Variants in TECTA observed in about 807,000 individuals in gnomAD.
TECTA encodes the protein alpha-tectorin.
A neutral mutation model predicts 216.8 loss-of-function variants in TECTA; 128 were observed. The observed-to-expected ratio is 0.59, with a 90% confidence interval of 0.51 to 0.68. The LOEUF is 0.68. Ranked by LOEUF, TECTA falls within the 30% of genes least tolerant of loss-of-function variation. TECTA has a pLI of 0.00. For synonymous variants in TECTA, 1,089 were observed against 1,117.1 expected, an observed-to-expected ratio of 0.97 and a Z score of 0.50; for missense variants, 2,551 against 2,786.2, an observed-to-expected ratio of 0.92 and a Z score of 1.90.
chr11:121,158,451 A>G (rs896665725), intron 14 of TECTA, among the ~76,000 whole-genome samples: 1 of 152,248 alleles, frequency 6.6e-6, no homozygotes, highest in Non-Finnish European at 1.5e-5. Context: ...GGAGACTTGC[A>G]GGGTCTCAGA....
At chr11:121,160,523 G>A in intron 15 of TECTA, 102 bp downstream of exon 15, 1 of 1,499,918 alleles carries the variant, frequency 6.7e-7, no homozygotes, top group Middle Eastern at 2.4e-4. Context: ...CACTGCCCCT[G>A]CTCTCCTACA....
rs562735582 is a variant in TECTA, at chr11:121,137,715, A to G, written c.3236A>G (p.Asp1079Gly). The G allele has an allele frequency of 8.7e-5, 140 of 1,614,144 alleles. No individual in the cohort carries two copies. The South Asian group carries it at 1.0e-3, about 12-fold the overall frequency. The stretch of plus-strand genomic sequence containing the variant: ...CACTGCGAGACCATTCCCTGCAAGG[A>G]TGATGAGTACTGCATGGAGGAAGGT... ...RVHCETIPCKDDEYCMEEGGL... is the reference protein window; with the variant it reads ...RVHCETIPCKGDEYCMEEGGL... The change falls in exon 11 of 24, where the codon GAT (aspartate) becomes GGT (glycine). Residue 1079 changes from aspartate to glycine, a missense_variant. Around this residue, in one of 3 missense-constraint regions of TECTA, gnomAD observed 2,375 missense variants for 2,563.9 expected, o/e 0.93. Transcript: ENST00000392793.
chr11:121,103,130 G>A (rs1565514952), intron 2 of TECTA, among the ~76,000 whole-genome samples: 1 of 152,162 alleles, frequency 6.6e-6, no homozygotes, highest in African/African-American at 2.4e-5. Context: ...CAAAAACTAG[G>A]AAATTACAAT....
intron 19 of TECTA, 78 bp from the exon 20 acceptor site, chr11:121,168,597 ATT>A: frequency 6.2e-7 from 1 of 1,611,146 alleles, no homozygotes; most frequent in Non-Finnish European, 8.5e-7. Flanking sequence ...TTCCCTCTGC[ATT>A]CTCAGCCTGA....
intron 20 of TECTA, among the ~76,000 whole-genome samples, chr11:121,178,482 T>C (rs887784975): frequency 2.6e-5 from 4 of 151,826 alleles, no homozygotes; most frequent in African/African-American, 7.3e-5. Context: ...TTCTTGAGGA[T>C]TTTTGCATCT....
intron 20 of TECTA, among the ~76,000 whole-genome samples, chr11:121,179,373 T>G (rs1280996518): frequency 6.6e-6 from 1 of 152,194 alleles, no homozygotes; most frequent in African/African-American, 2.4e-5. Flanking sequence ...ATTTCTAGTT[T>G]TATTCCATTG....
At chr11:121,126,614 A>G (rs1380839146) in intron 8 of TECTA, among the ~76,000 whole-genome samples, 1 of 152,220 alleles carries the variant, frequency 6.6e-6, no homozygotes, top group African/African-American at 2.4e-5. Context: ...GTAAATAGAA[A>G]ATTGTAATCC....
chr11:121,140,991 T>A (rs1194312105), intron 11 of TECTA: 1 of 152,250 alleles, frequency 6.6e-6, no homozygotes, highest in South Asian at 2.1e-4. Flanking sequence ...TTGGAGACAA[T>A]GAGCATCAAG....
intron 10 of TECTA, among the ~76,000 whole-genome samples, chr11:121,134,345 A>ACACACACACACACACACACACACG (rs954311155): frequency 6.6e-5 from 10 of 151,798 alleles, no homozygotes; most frequent in African/African-American, 2.4e-4. Context: ...ACACACACAC[A>ACACACACACACACACACACACACG]CACGCACACA....
At chr11:121,164,506 G>A (rs1193323478) in intron 16 of TECTA, among the ~76,000 whole-genome samples, 5 of 152,140 alleles carry the variant, frequency 3.3e-5, no homozygotes, top group East Asian at 3.8e-4. Flanking sequence ...TTCTCAGACC[G>A]AGGCGTTGAC....
Position 121,118,457 on chromosome 11 carries a change from C to T in TECTA, c.942C>T (p.Cys314=), listed in dbSNP as rs750208622. 2 of 1,614,114 alleles carry T rather than the reference C, an allele frequency of 1.2e-6. No homozygotes were observed. The highest frequency in any genetic ancestry group is 1.3e-5 in the African/African-American group (1 of 74,940). ...AACCCAAAGGCAAATTCTTCTACTGCAGCGCTGTGGAGACCAGCACATGCG... is the reference window on the plus strand; with the variant it reads ...AACCCAAAGGCAAATTCTTCTACTGTAGCGCTGTGGAGACCAGCACATGCG... ...VCEPKGKFFY[C]SAVETSTCVV... The change falls in exon 7 of 24, where the codon TGC becomes TGT. Residue 314 remains cysteine (C), a synonymous_variant. Coordinates refer to ENST00000392793, the MANE Select transcript of TECTA (RefSeq NM_005422.4).
rs534309268 is a variant in TECTA, at chr11:121,118,180, C to T, written c.791-126C>T. Reference sequence around the variant, plus strand: ...TTCCTCATTTGTCAAATGAGGGTGACCATACCTCCCTAACAGGGTTCTTAC... The same window carrying T: ...TTCCTCATTTGTCAAATGAGGGTGATCATACCTCCCTAACAGGGTTCTTAC... On this transcript the variant is annotated intron_variant, in intron 6 of 23. Coordinates refer to ENST00000392793, the MANE Select transcript of TECTA (RefSeq NM_005422.4). The T allele has an allele frequency of 4.0e-6, 5 of 1,237,334 alleles. No homozygotes were observed. The East Asian group carries it at 7.6e-5, about 19-fold the overall frequency. The allele number at this position is 1,237,334 out of a possible 1,614,324, so 76.6% of individuals were successfully genotyped here. A position where few individuals can be genotyped will look rare whatever the true frequency, so the allele number is the denominator to read the frequency against.
Position 121,125,385 on chromosome 11 carries a change from G to A in TECTA, c.1287G>A (p.Val429=). 1 of 1,614,218 alleles carries A rather than the reference G, an allele frequency of 6.2e-7. No homozygotes were observed. Among genetic ancestry groups the A allele is most frequent in the Non-Finnish European group, 8.5e-7 (1 of 1,180,052 alleles). ...KIYQSGISTA[V]ETDFGLLVTF... ...ACCAGAGTGGCATATCTACTGCCGT[G>A]GAAACAGATTTTGGGCTCTTAGTGA... The change falls in exon 8 of 24, where the codon GTG becomes GTA. Residue 429 remains valine, a synonymous_variant. Coordinates refer to ENST00000392793, the MANE Select transcript of TECTA (RefSeq NM_005422.4).
intron 7 of TECTA, among the ~76,000 whole-genome samples, chr11:121,120,285 G>A (rs571192373): frequency 2.2e-4 from 33 of 152,330 alleles, no homozygotes; most frequent in African/African-American, 7.5e-4. Context: ...TGTAGCGACA[G>A]GGCGATGTGG....
At chr11:121,182,721 C>T (rs1040309929) in intron 20 of TECTA, among the ~76,000 whole-genome samples, 2 of 152,120 alleles carry the variant, frequency 1.3e-5, no homozygotes, top group African/African-American at 4.8e-5. Context: ...CCCAACGACA[C>T]ACTTGGTTGC....
In TECTA at chr11:121,128,275, G is replaced by T; in HGVS notation, c.2298G>T (p.Leu766=). Residue 766 remains leucine (L), a synonymous_variant, in exon 9 of 24, where the codon CTG becomes CTT. Coordinates refer to ENST00000392793, the MANE Select transcript of TECTA (RefSeq NM_005422.4). ...AGCCCGATGCAGGACCTGCTTGGCTGCGGGGACTTCGGATCCTGGTGGCCG... is the reference window on the plus strand; with the variant it reads ...AGCCCGATGCAGGACCTGCTTGGCTTCGGGGACTTCGGATCCTGGTGGCCG... ...KKKPDAGPAW[L]RGLRILVADQ... 7 of 1,599,862 alleles carry T rather than the reference G, an allele frequency of 4.4e-6. No homozygotes were observed. The South Asian group carries it at 6.6e-5, about 15-fold the overall frequency.
chr11:121,105,419 G>A lies in TECTA; in HGVS notation c.65-412G>A, dbSNP rs1946381603. Among the ~76,000 whole-genome samples, 1 of 152,184 alleles carries A rather than the reference G, an allele frequency of 6.6e-6. No homozygotes were observed. Among genetic ancestry groups the A allele is most frequent in the Admixed American group, 6.5e-5 (1 of 15,286 alleles). On this transcript the variant is annotated intron_variant, in intron 2 of 23. Coordinates refer to ENST00000392793, the MANE Select transcript of TECTA (RefSeq NM_005422.4). The surrounding 1 kb of genome is among the most constrained non-coding windows in gnomAD (Gnocchi z 5.3). Reference sequence around the variant, plus strand: ...GCAAGAGGGAGGGAACTCCTTTCAGGAAAACACACGATAGTGGAATTCTTG... The same window carrying A: ...GCAAGAGGGAGGGAACTCCTTTCAGAAAAACACACGATAGTGGAATTCTTG...
intron 20 of TECTA, among the ~76,000 whole-genome samples, chr11:121,169,615 A>G (rs963476774): frequency 2.3e-4 from 35 of 152,250 alleles, no homozygotes; most frequent in African/African-American, 8.4e-4. Flanking sequence ...TACTTGCTTT[A>G]AGTGTAAAAA....
chr11:121,187,433 T>C (rs556780709), intron 20 of TECTA, among the ~76,000 whole-genome samples: 1 of 152,352 alleles, frequency 6.6e-6, no homozygotes, highest in East Asian at 1.9e-4. Flanking sequence ...TCAGGGGCCC[T>C]TGCCAACATT....
Sources: allele counts gnomAD v4.1 joint callset (sites outside exome capture counted in the v4.1 genomes callset), GRCh38; gene constraint gnomAD v4.1.1; regional missense constraint gnomAD v4.1.1; non-coding constraint Gnocchi (gnomAD v3.1); transcripts MANE v1.5; gene names NCBI Gene and HGNC (gene_info 2026-07-23, HGNC 2026-07-21).